Variants in SLC8A1 observed in about 807,000 individuals in gnomAD.
SLC8A1 encodes sodium/calcium exchanger 1.
Under a neutral mutation model 68.3 loss-of-function variants are expected in SLC8A1, and 18 were observed. The observed-to-expected ratio is 0.26, with a 90% CI of 0.18 to 0.39. The LOEUF is 0.39. Ranked by LOEUF, SLC8A1 falls within the 10% of genes least tolerant of loss-of-function variation. The pLI, the probability that SLC8A1 is intolerant of heterozygous loss-of-function variation, is 1.00. For synonymous variants in SLC8A1, 475 were observed against 415.5 expected, an observed-to-expected ratio of 1.14 and a Z score of -1.74; for missense variants, 985 against 1,156.7, an observed-to-expected ratio of 0.85 and a Z score of 2.15.
chr2:40,149,009 C>A (rs779764383), intron 6 of SLC8A1, among the ~76,000 whole-genome samples: 2 of 152,150 alleles, frequency 1.3e-5, no homozygotes, highest in African/African-American at 4.8e-5. Context: ...TATCAGCCAT[C>A]TGGAAAATCT....
intron 4 of SLC8A1, among the ~76,000 whole-genome samples, chr2:40,171,929 A>G (rs1040103494): frequency 1.3e-5 from 2 of 152,224 alleles, no homozygotes; most frequent in South Asian, 2.1e-4. Context: ...CTTAATGTCC[A>G]TCACTAATGA....
chr2:40,352,832 T>A (rs1283819396), intron 2 of SLC8A1, among the ~76,000 whole-genome samples: 1 of 152,186 alleles, frequency 6.6e-6, no homozygotes. Flanking sequence ...GAGGCCTCGA[T>A]ATGTCTGTTG....
chr2:40,337,231 G>T, intron 2 of SLC8A1: 1 of 273,626 alleles, frequency 3.7e-6, no homozygotes. Flanking sequence ...TCACTGTTTT[G>T]AAATGGTATT....
intron 2 of SLC8A1, among the ~76,000 whole-genome samples, chr2:40,342,543 A>C (rs1668028121): frequency 6.6e-6 from 1 of 152,114 alleles, no homozygotes; most frequent in Admixed American, 6.6e-5. Context: ...AGAAACAAAG[A>C]GTTTCTGGAA....
chr2:40,237,395 A>G (rs957684132), intron 2 of SLC8A1, among the ~76,000 whole-genome samples: 1 of 152,142 alleles, frequency 6.6e-6, no homozygotes. Flanking sequence ...AGTTGATTGC[A>G]TCAGCTCCTG....
At chr2:40,130,604 C>A (rs1441609032) in intron 7 of SLC8A1, among the ~76,000 whole-genome samples, 1 of 152,212 alleles carries the variant, frequency 6.6e-6, no homozygotes, top group Non-Finnish European at 1.5e-5. Flanking sequence ...AGTAAAGAAA[C>A]GTGTTGCTTA....
At chr2:40,188,272 C>G (rs1436100181) in intron 2 of SLC8A1, among the ~76,000 whole-genome samples, 1 of 150,812 alleles carries the variant, frequency 6.6e-6, no homozygotes, top group Non-Finnish European at 1.5e-5. Context: ...AATGCAGATT[C>G]TCTAGAAAAT....
intron 2 of SLC8A1, among the ~76,000 whole-genome samples, chr2:40,276,585 T>G (rs2066726733): frequency 6.6e-6 from 1 of 152,196 alleles, no homozygotes; most frequent in Non-Finnish European, 1.5e-5. Flanking sequence ...ACTGAGTGAC[T>G]TCTACTTAAA....
intron 5 of SLC8A1, 112 bp from the exon 9 acceptor site, chr2:40,160,976 G>T: frequency 1.4e-6 from 1 of 719,182 alleles, no homozygotes. Context: ...GCAGATGTTA[G>T]GCTCAAAACA....
At chr2:40,450,517 T>C (rs1702249508) in intron 1 of SLC8A1, among the ~76,000 whole-genome samples, 1 of 152,200 alleles carries the variant, frequency 6.6e-6, no homozygotes, top group African/African-American at 2.4e-5. Context: ...ACTCCAGCAA[T>C]GCCTTTAACC....
intron 2 of SLC8A1, among the ~76,000 whole-genome samples, chr2:40,392,735 G>C (rs1440495139): frequency 6.6e-6 from 1 of 151,986 alleles, no homozygotes; most frequent in Non-Finnish European, 1.5e-5. Context: ...AATGATCACA[G>C]TACCGGAAAA....
intron 6 of SLC8A1, among the ~76,000 whole-genome samples, chr2:40,149,660 G>A (rs2148363355): frequency 6.6e-6 from 1 of 152,306 alleles, no homozygotes; most frequent in East Asian, 1.9e-4. Flanking sequence ...GTGGGTCAGG[G>A]TGGGAATCCC....
rs183897455 is a variant in SLC8A1, at chr2:40,218,764, G to A, written c.1809-40909C>T. ...ACTAATTAACATCCTTGCTTGCAGA[G>A]ATTGGTAGACCTGTTTCTTCTATTT... On this transcript the variant is annotated intron_variant, in intron 2 of 7. Coordinates refer to ENST00000406785, the Ensembl canonical transcript of SLC8A1. Among the ~76,000 whole-genome samples, 409 of 149,808 alleles carry A rather than the reference G, an allele frequency of 2.7e-3. 18 individuals carry two copies. In the East Asian group the frequency reaches 0.07, roughly 25 times the overall value.
At chr2:40,105,995 T>C (rs2125039281) in exon 8 of SLC8A1, 1 of 152,352 alleles carries the variant, frequency 6.6e-6, no homozygotes, top group East Asian at 1.9e-4. Context: ...TGGGCGCTGA[T>C]GTGTTAATGA....
chr2:40,410,338 G>A (rs1352225020), intron 2 of SLC8A1, among the ~76,000 whole-genome samples: 2 of 152,000 alleles, frequency 1.3e-5, no homozygotes, highest in African/African-American at 4.8e-5. Context: ...ATAACATCCA[G>A]CGCTAGGGAT....
intron 2 of SLC8A1, among the ~76,000 whole-genome samples, chr2:40,418,212 CATT>C (rs528038324): frequency 1.4e-4 from 21 of 152,068 alleles, no homozygotes; most frequent in Non-Finnish European, 2.6e-4. Flanking sequence ...ATATTCTTTA[CATT>C]ATTTTATTTG....
chr2:40,358,744 G>T (rs1273355025), intron 2 of SLC8A1, among the ~76,000 whole-genome samples: 4 of 152,144 alleles, frequency 2.6e-5, no homozygotes, highest in Non-Finnish European at 4.4e-5. Context: ...GAAGAAACAG[G>T]CAAGACTCCT....
At chr2:40,439,520 G>A (rs963331844) in intron 1 of SLC8A1, among the ~76,000 whole-genome samples, 11 of 152,216 alleles carry the variant, frequency 7.2e-5, no homozygotes, top group South Asian at 6.2e-4. Flanking sequence ...TGGAACTGGG[G>A]ATGTTTAATA....
At chr2:40,202,335 T>A (rs950928497) in intron 2 of SLC8A1, among the ~76,000 whole-genome samples, 14 of 152,020 alleles carry the variant, frequency 9.2e-5, no homozygotes, top group Admixed American at 2.6e-4. Flanking sequence ...CAAAGCTATC[T>A]GTGATTTATC....
Sources: allele counts gnomAD v4.1 joint callset (sites outside exome capture counted in the v4.1 genomes callset), GRCh38; gene constraint gnomAD v4.1.1; transcripts MANE v1.5; gene names NCBI Gene and HGNC (gene_info 2026-07-23, HGNC 2026-07-21).